Variants in CRADD observed in about 807,000 individuals in gnomAD.
CRADD encodes the protein CARD and death domain containing adaptor protein.
Under a neutral mutation model 15.5 loss-of-function variants are expected in CRADD, and 9 were observed. The ratio of observed to expected loss-of-function variants is 0.58; its 90% CI spans 0.35 to 1.01. The LOEUF (loss-of-function observed/expected upper bound fraction) is 1.01. Ranked by LOEUF, CRADD falls within the 50% of genes least tolerant of loss-of-function variation. CRADD has a pLI of 0.02. For missense variants in CRADD, 227 were observed against 250.3 expected (o/e 0.91, Z 0.63); for synonymous variants, 118 against 107.6 (o/e 1.10, Z -0.60).
At chr12:93,820,326 G>A (rs541095705) in intron 2 of CRADD, among the ~76,000 whole-genome samples, 2 of 151,980 alleles carry the variant, frequency 1.3e-5, no homozygotes, top group South Asian at 4.2e-4. Context: ...TGCTCCCCAA[G>A]GTCAGGAGAT....
At chr12:93,678,612 C>G (rs1450908387) in intron 1 of CRADD, among the ~76,000 whole-genome samples, 157 bp from the exon 2 acceptor site, 1 of 152,148 alleles carries the variant, frequency 6.6e-6, no homozygotes, top group Non-Finnish European at 1.5e-5. Flanking sequence ...CAAAATTAAC[C>G]TGGCTTGGCT....
At chr12:93,752,322 C>G (rs1956838022) in intron 2 of CRADD, among the ~76,000 whole-genome samples, 1 of 152,188 alleles carries the variant, frequency 6.6e-6, no homozygotes, top group African/African-American at 2.4e-5. Context: ...TTTAGGCCTG[C>G]TAAGGATGTC....
At chr12:93,885,706 A>G (rs1478879377) in intron 2 of CRADD, among the ~76,000 whole-genome samples, 1 of 152,084 alleles carries the variant, frequency 6.6e-6, no homozygotes, top group Non-Finnish European at 1.5e-5. Context: ...CACCCTCTCG[A>G]GATGGTTGTA....
At chr12:93,800,371 A>AGACT (rs1227372384) in intron 2 of CRADD, among the ~76,000 whole-genome samples, 2 of 152,164 alleles carry the variant, frequency 1.3e-5, no homozygotes, top group Non-Finnish European at 2.9e-5. Flanking sequence ...GGCCCTCTAC[A>AGACT]GACTGGATGG....
intron 2 of CRADD, among the ~76,000 whole-genome samples, chr12:93,866,402 T>C (rs1389502): frequency 0.36 from 54,845 of 152,072 alleles, 11,294 homozygotes; most frequent in Middle Eastern, 0.47. Flanking sequence ...TATAACATAA[T>C]GTTTTTAATT....
intron 2 of CRADD, among the ~76,000 whole-genome samples, chr12:93,859,884 G>A (rs554230682): frequency 1.8e-5 from 2 of 110,808 alleles, no homozygotes; most frequent in South Asian, 6.1e-4. Flanking sequence ...GCACCACCCC[G>A]ACCAGCTAAT....
chr12:93,774,314 G>A (rs929393395), intron 2 of CRADD, among the ~76,000 whole-genome samples: 54 of 152,304 alleles, frequency 3.5e-4, no homozygotes, highest in Non-Finnish European at 5.9e-4. Context: ...GATTCCTAGA[G>A]TATTAGAGCT....
chr12:93,866,255 C>T (rs1338422736), intron 2 of CRADD, among the ~76,000 whole-genome samples: 2 of 152,076 alleles, frequency 1.3e-5, no homozygotes, highest in Admixed American at 6.6e-5. Context: ...TTCTATGACT[C>T]ATAGTGTTTG....
intron 2 of CRADD, among the ~76,000 whole-genome samples, chr12:93,702,440 T>C (rs1358600720): frequency 6.6e-6 from 1 of 152,014 alleles, no homozygotes; most frequent in East Asian, 1.9e-4. Context: ...CAGATCTTAG[T>C]TGACATAGAG....
chr12:93,679,833 A>G (rs1051388220), intron 2 of CRADD, among the ~76,000 whole-genome samples: 1 of 152,158 alleles, frequency 6.6e-6, no homozygotes, highest in Non-Finnish European at 1.5e-5. Context: ...GGAGGAGGAG[A>G]CAGCCTCTAG....
At chr12:93,874,043 G>T (rs1249725429) in intron 2 of CRADD, among the ~76,000 whole-genome samples, 1 of 151,966 alleles carries the variant, frequency 6.6e-6, no homozygotes, top group Non-Finnish European at 1.5e-5. Flanking sequence ...TTAAATGTTT[G>T]GTAGAATTCA....
intron 2 of CRADD, among the ~76,000 whole-genome samples, chr12:93,686,032 G>T (rs1955425711): frequency 6.6e-6 from 1 of 151,248 alleles, no homozygotes; most frequent in African/African-American, 2.4e-5. Context: ...GGGTGTAGTG[G>T]CTCATGCCTG....
At position 93,824,672 on chromosome 12, in the gene CRADD, T is replaced by C. The variant is rs1957805243; in HGVS notation, c.299-25298T>C. On this transcript the variant is annotated intron_variant, in intron 2 of 2. Transcript: ENST00000332896. This position sits in a 1 kb window ranked among gnomAD's most constrained non-coding sequence, Gnocchi z 4.3. ...TCCGAGCTGAAGCTGAAACCTAGCC[T>C]TCTGCCGAGTGGTATTCCTGAAGCC... Among the ~76,000 whole-genome samples, 1 of 152,240 alleles carries C rather than the reference T, an allele frequency of 6.6e-6. No homozygotes were observed. The highest frequency in any genetic ancestry group is 1.5e-5 in the Non-Finnish European group (1 of 68,046).
At chr12:93,773,741 G>A (rs1413465886) in intron 2 of CRADD, among the ~76,000 whole-genome samples, 2 of 151,866 alleles carry the variant, frequency 1.3e-5, no homozygotes, top group African/African-American at 4.8e-5. Flanking sequence ...CAGAAGGCCA[G>A]GCTGGAGGTA....
At chr12:93,789,292 G>A (rs996397579) in intron 2 of CRADD, among the ~76,000 whole-genome samples, 2 of 152,116 alleles carry the variant, frequency 1.3e-5, no homozygotes, top group South Asian at 4.1e-4. Context: ...AGCTGGAGAT[G>A]TGCTTCAGGG....
Position 93,803,598 on chromosome 12 carries a change from C to T in CRADD, c.299-46372C>T, listed in dbSNP as rs764853897. Among the ~76,000 whole-genome samples the T allele has an allele frequency of 3.3e-5, 5 of 152,128 alleles. No homozygotes were observed. In the South Asian group the frequency reaches 8.3e-4, roughly 25 times the overall value. On this transcript the variant is annotated intron_variant, in intron 2 of 2. Transcript: ENST00000332896. ...AGTAAGCTGTTAGCAAGTCTTAACT[C>T]GGGAGATCTGTCTCTCCTGGCATTC...
chr12:93,874,572 C>T (rs937791433), intron 2 of CRADD, among the ~76,000 whole-genome samples: 7 of 151,898 alleles, frequency 4.6e-5, no homozygotes, highest in African/African-American at 1.7e-4. Flanking sequence ...GCACTTATAG[C>T]TGTAAGTTTC....
chr12:93,824,411 T>TACAC lies in CRADD; in HGVS notation c.299-25553_299-25550dup, dbSNP rs1381570019. ...TCTTTGGAAAACACACACACACTCA[T>TACAC]ACACACACATACACACACACACACA... On this transcript the variant is annotated intron_variant, in intron 2 of 2. Coordinates refer to ENST00000332896, the MANE Select transcript of CRADD (RefSeq NM_003805.5). This position sits in a 1 kb window ranked among gnomAD's most constrained non-coding sequence, Gnocchi z 4.3. Among the ~76,000 whole-genome samples the TACAC allele has an allele frequency of 2.5e-5, 3 of 118,646 alleles. No homozygotes were observed. The highest frequency in any genetic ancestry group is 5.4e-5 in the Non-Finnish European group (3 of 55,352). 77.8% of individuals were successfully genotyped at this position (118,646 alleles called of 152,430 possible).
At chr12:93,779,963 C>G (rs548717146) in intron 2 of CRADD, among the ~76,000 whole-genome samples, 1 of 152,154 alleles carries the variant, frequency 6.6e-6, no homozygotes, top group African/African-American at 2.4e-5. Context: ...GATTGAAAGA[C>G]AAGCACATGA....
Sources: allele counts gnomAD v4.1 joint callset (sites outside exome capture counted in the v4.1 genomes callset), GRCh38; gene constraint gnomAD v4.1.1; non-coding constraint Gnocchi (gnomAD v3.1); transcripts MANE v1.5; gene names NCBI Gene and HGNC (gene_info 2026-07-23, HGNC 2026-07-21).